The following INTS9 variants were observed in gnomAD, a reference collection of about 807,000 sequenced individuals.
The protein encoded by INTS9 is protein related to CPSF subunits of 74 kDa.
A neutral mutation model predicts 79.7 loss-of-function variants in INTS9; 55 were observed. That is an observed-to-expected ratio of 0.69 (90% CI 0.56 to 0.86). The LOEUF is 0.86. Ranked by LOEUF, INTS9 falls within the 40% of genes least tolerant of loss-of-function variation. The probability of loss-of-function intolerance (pLI) is 0.00; values close to 1 mark genes in which losing one functional copy is unlikely to be tolerated. For missense variants in INTS9, 721 were observed against 831.5 expected (o/e 0.87, Z 1.64); for synonymous variants, 319 against 325.2 (o/e 0.98, Z 0.20).
intron 11 of INTS9, among the ~76,000 whole-genome samples, chr8:28,786,304 C>T (rs1803586163): frequency 6.7e-6 from 1 of 148,938 alleles, no homozygotes; most frequent in South Asian, 2.1e-4. Flanking sequence ...TTTTTTGAGA[C>T]AGGGTCTTGC....
chr8:28,769,094 C>G (rs756058545), intron 16 of INTS9, among the ~76,000 whole-genome samples: 1 of 152,170 alleles, frequency 6.6e-6, no homozygotes, highest in Non-Finnish European at 1.5e-5. Flanking sequence ...CCGCAACCAC[C>G]CAGCCAGAGC....
At chr8:28,873,835 C>T (rs1809219372) in intron 1 of INTS9, among the ~76,000 whole-genome samples, 2 of 152,190 alleles carry the variant, frequency 1.3e-5, no homozygotes, top group African/African-American at 4.8e-5. Flanking sequence ...AGGATCCCCC[C>T]TTCCCACTAT....
At chr8:28,884,619 A>C (rs547618012) in intron 1 of INTS9, among the ~76,000 whole-genome samples, 6 of 152,326 alleles carry the variant, frequency 3.9e-5, no homozygotes, top group African/African-American at 1.4e-4. Flanking sequence ...ACTTAGCCTT[A>C]TGTCACACGC....
At chr8:28,810,092 A>G (rs1805024042) in intron 8 of INTS9, 1 of 152,246 alleles carries the variant, frequency 6.6e-6, no homozygotes, top group South Asian at 2.1e-4. Flanking sequence ...CTTTACTGAT[A>G]GTGCTCTAAC....
chr8:28,807,085 C>G (rs925315093), intron 8 of INTS9, among the ~76,000 whole-genome samples: 2 of 151,966 alleles, frequency 1.3e-5, no homozygotes, highest in African/African-American at 2.4e-5. Context: ...CAAGTCTGAT[C>G]AAGATGATGA....
At chr8:28,883,730 A>G (rs1246834004) in intron 1 of INTS9, among the ~76,000 whole-genome samples, 1 of 152,200 alleles carries the variant, frequency 6.6e-6, no homozygotes, top group Non-Finnish European at 1.5e-5. Flanking sequence ...GGCTGGGGAT[A>G]AATCTGTTTT....
At chr8:28,815,276 A>G (rs933179727) in intron 6 of INTS9, among the ~76,000 whole-genome samples, 1 of 152,222 alleles carries the variant, frequency 6.6e-6, no homozygotes, top group Non-Finnish European at 1.5e-5. Flanking sequence ...CATGCCAACA[A>G]TACACCAGAA....
intron 1 of INTS9, among the ~76,000 whole-genome samples, chr8:28,881,587 G>GC (rs1809817205): frequency 1.6e-5 from 2 of 127,068 alleles, no homozygotes; most frequent in Admixed American, 7.6e-5. Context: ...GGGGGGATCA[G>GC]CCCCCCGCCT....
At chr8:28,816,703 G>T (rs1489319196) in intron 6 of INTS9, among the ~76,000 whole-genome samples, 1 of 145,084 alleles carries the variant, frequency 6.9e-6, no homozygotes, top group South Asian at 2.2e-4. Flanking sequence ...GGTATTTCTA[G>T]TTCTAGATCC....
chr8:28,844,085 G>C (rs1807354404), intron 4 of INTS9, among the ~76,000 whole-genome samples: 1 of 152,156 alleles, frequency 6.6e-6, no homozygotes, highest in Admixed American at 6.5e-5. Context: ...GCGGATACTT[G>C]AGCTCCCCAC....
At chr8:28,829,715 T>A (rs959351120) in intron 6 of INTS9, among the ~76,000 whole-genome samples, 2 of 152,202 alleles carry the variant, frequency 1.3e-5, no homozygotes, top group African/African-American at 4.8e-5. Context: ...ATCGAATACC[T>A]CTCAAAGTAC....
chr8:28,861,283 T>C (rs995928377), intron 1 of INTS9, among the ~76,000 whole-genome samples: 6 of 152,188 alleles, frequency 3.9e-5, no homozygotes, highest in Admixed American at 1.3e-4. Context: ...CCACCCTCCA[T>C]CTGGTTCCCT....
At chr8:28,835,436 T>A in intron 5 of INTS9, 58 bp from the exon 6 acceptor site, 1 of 1,251,404 alleles carries the variant, frequency 8.0e-7, no homozygotes, top group South Asian at 1.2e-5. Context: ...AAACACCCCA[T>A]ACTCTAACAG....
intron 6 of INTS9, among the ~76,000 whole-genome samples, chr8:28,813,900 A>G (rs1392530830): frequency 1.3e-5 from 2 of 151,894 alleles, no homozygotes; most frequent in Admixed American, 6.6e-5. Flanking sequence ...AGCTGGGATT[A>G]CAGGCGCCCA....
chr8:28,875,798 G>A (rs527284020), intron 1 of INTS9, among the ~76,000 whole-genome samples: 2 of 152,320 alleles, frequency 1.3e-5, no homozygotes, highest in East Asian at 3.9e-4. Context: ...GTTACTGATA[G>A]GTAGGATCTA....
At position 28,841,866 on chromosome 8, in the gene INTS9, G is replaced by A. The variant is rs149589762; in HGVS notation, c.262-4090C>T. Among the ~76,000 whole-genome samples the A allele has an allele frequency of 3.3e-3, 504 of 152,248 alleles. 3 individuals carry two copies. Among genetic ancestry groups the A allele is most frequent in the African/African-American group, 0.012 (478 of 41,542 alleles). Reference sequence around the variant, plus strand: ...TTTAGGGGGCTGAGGTGGGAGGACTGCTTGAGGCCAGGAGTTTGAGACCAG... The same window carrying A: ...TTTAGGGGGCTGAGGTGGGAGGACTACTTGAGGCCAGGAGTTTGAGACCAG... On this transcript the variant is annotated intron_variant, in intron 4 of 16. Coordinates refer to ENST00000521022, the MANE Select transcript of INTS9 (RefSeq NM_018250.4).
intron 8 of INTS9, among the ~76,000 whole-genome samples, chr8:28,810,982 G>A (rs748372173): frequency 5.9e-5 from 9 of 152,106 alleles, no homozygotes; most frequent in Non-Finnish European, 1.0e-4. Flanking sequence ...TGACCTCCAC[G>A]CTGTGACCAC....
intron 8 of INTS9, among the ~76,000 whole-genome samples, chr8:28,809,475 A>G (rs375651993): frequency 7.7e-4 from 117 of 152,232 alleles, no homozygotes; most frequent in African/African-American, 2.5e-3. Flanking sequence ...GAAAAATCTA[A>G]TTTTTTTCTT....
At chr8:28,818,088 C>T (rs537478066) in intron 6 of INTS9, among the ~76,000 whole-genome samples, 9 of 145,808 alleles carry the variant, frequency 6.2e-5, no homozygotes, top group African/African-American at 2.1e-4. Flanking sequence ...ACAATCATGT[C>T]GTCTGCAAAC....
Sources: allele counts gnomAD v4.1 joint callset (sites outside exome capture counted in the v4.1 genomes callset), GRCh38; gene constraint gnomAD v4.1.1; transcripts MANE v1.5; gene names NCBI Gene and HGNC (gene_info 2026-07-23, HGNC 2026-07-21).